The following DLGAP1 variants were observed in gnomAD, a reference collection of about 807,000 sequenced individuals.
DLGAP1 encodes disks large-associated protein 1.
DLGAP1 carries 11 observed loss-of-function variants against 90.8 expected under a neutral mutation model. That is an observed-to-expected ratio of 0.12 (90% CI 0.08 to 0.20). The LOEUF (loss-of-function observed/expected upper bound fraction) is 0.20, where lower values mean the gene tolerates loss of function less well. DLGAP1 is among the 10% of genes least tolerant of loss of function. The pLI is 1.00. For missense variants in DLGAP1, 1,050 were observed against 1,333.8 expected, an observed-to-expected ratio of 0.79 and a Z score of 3.31; for synonymous variants, 558 against 540.7, an observed-to-expected ratio of 1.03 and a Z score of -0.44.
chr18:3,634,241 T>G (rs1200102013), intron 7 of DLGAP1, among the ~76,000 whole-genome samples: 1 of 152,110 alleles, frequency 6.6e-6, no homozygotes, highest in Non-Finnish European at 1.5e-5. Context: ...ATTTGTATAC[T>G]TTTTTTGCAT....
intron 7 of DLGAP1, among the ~76,000 whole-genome samples, chr18:3,687,907 GTT>G (rs34437512): frequency 1.1e-4 from 14 of 133,202 alleles, no homozygotes; most frequent in African/African-American, 1.4e-4. Context: ...CTCAGAGACT[GTT>G]TTTTTTTTTT....
intron 3 of DLGAP1, among the ~76,000 whole-genome samples, chr18:3,956,434 C>G (rs919568313): frequency 5.3e-5 from 8 of 151,804 alleles, no homozygotes; most frequent in Non-Finnish European, 1.0e-4. Flanking sequence ...CTGCAAGCTC[C>G]GCCTCCCGGG....
intron 7 of DLGAP1, among the ~76,000 whole-genome samples, chr18:3,652,117 T>C (rs1301419559): frequency 7.3e-6 from 1 of 136,628 alleles, no homozygotes; most frequent in African/African-American, 2.8e-5. Context: ...TGAGCCGAGA[T>C]CACAACACTG....
At chr18:3,827,348 G>A (rs1473477638) in intron 4 of DLGAP1, among the ~76,000 whole-genome samples, 2 of 152,252 alleles carry the variant, frequency 1.3e-5, no homozygotes, top group Non-Finnish European at 2.9e-5. Context: ...GGCTTAAAAC[G>A]ATCAACAAAG....
At chr18:4,289,213 G>C (rs1278334437) in intron 1 of DLGAP1, among the ~76,000 whole-genome samples, 1 of 152,094 alleles carries the variant, frequency 6.6e-6, no homozygotes, top group Non-Finnish European at 1.5e-5. Context: ...ATGTGCCATT[G>C]TTCTTTCTTG....
rs529882959 is a variant in DLGAP1 at position 3,743,742 on chromosome 18, C to T, written c.1173-1230G>A. Among the ~76,000 whole-genome samples the T allele has an allele frequency of 2.5e-4, 38 of 152,224 alleles. No individual in the cohort carries two copies. In the Middle Eastern group the frequency reaches 0.01, roughly 41 times the overall value. On this transcript the variant is annotated intron_variant, in intron 5 of 12. Coordinates refer to ENST00000315677, the MANE Select transcript of DLGAP1 (RefSeq NM_004746.4). ...CTTGGCTCACTGCAGCCTCCGCCTC[C>T]TAGGTTCAAGCAATTCTCATGCCTC... is the stretch of plus-strand genomic sequence containing the variant.
chr18:3,855,693 AACCTCCAC>A (rs2148707593), intron 4 of DLGAP1, among the ~76,000 whole-genome samples: 1 of 152,212 alleles, frequency 6.6e-6, no homozygotes, highest in South Asian at 2.1e-4. Flanking sequence ...GGCTCACTGC[AACCTCCAC>A]CTCCCCGGTA....
At chr18:3,762,803 A>G (rs1018015415) in intron 5 of DLGAP1, among the ~76,000 whole-genome samples, 2 of 152,200 alleles carry the variant, frequency 1.3e-5, no homozygotes, top group Non-Finnish European at 2.9e-5. Flanking sequence ...TCTTATGTCA[A>G]CATTTCCAGG....
chr18:4,429,069 T>C (rs2083221540), intron 1 of DLGAP1, among the ~76,000 whole-genome samples: 1 of 152,112 alleles, frequency 6.6e-6, no homozygotes. Context: ...CTCAAAACAG[T>C]CCTAAGAGTT....
chr18:3,952,866 C>T (rs185273272), intron 3 of DLGAP1, among the ~76,000 whole-genome samples: 181 of 152,216 alleles, frequency 1.2e-3, no homozygotes, highest in African/African-American at 3.9e-3. Context: ...TCTCTTTCAC[C>T]CACCCAGGAC....
At chr18:3,675,825 G>C (rs146175440) in intron 7 of DLGAP1, among the ~76,000 whole-genome samples, 1 of 152,278 alleles carries the variant, frequency 6.6e-6, no homozygotes, top group Non-Finnish European at 1.5e-5. Flanking sequence ...GTTTTCCATG[G>C]TGTAAATACT....
At position 4,187,393 on chromosome 18, in the gene DLGAP1, A is replaced by G. The variant is rs555277380; in HGVS notation, c.-266-36106T>C. 6.6e-5 allele frequency among the ~76,000 whole-genome samples: 10 copies of G among 152,216 alleles called. No individual in the cohort carries two copies. The South Asian group carries it at 2.1e-3, about 32-fold the overall frequency. On this transcript the variant is annotated intron_variant, in intron 1 of 12. Transcript: ENST00000315677. The stretch of plus-strand genomic sequence containing the variant: ...CTCCTTTAAACGTTCCAAGATATTG[A>G]TCCCCCAAAATTTGTATTTAAAGTG...
At chr18:4,026,263 G>A (rs968312367) in intron 2 of DLGAP1, among the ~76,000 whole-genome samples, 7 of 152,156 alleles carry the variant, frequency 4.6e-5, no homozygotes, top group African/African-American at 1.2e-4. Context: ...GTCAGTGGGT[G>A]GATTTTTCAC....
chr18:3,924,098 A>G (rs1219541946), intron 3 of DLGAP1, among the ~76,000 whole-genome samples: 1 of 152,196 alleles, frequency 6.6e-6, no homozygotes, highest in Non-Finnish European at 1.5e-5. Context: ...TGTCACAGAA[A>G]TAACTATTTC....
chr18:3,648,633 A>T (rs2059198787), intron 7 of DLGAP1, among the ~76,000 whole-genome samples: 1 of 152,234 alleles, frequency 6.6e-6, no homozygotes. Flanking sequence ...GGCTTCAAAG[A>T]CTGCTAATTA....
intron 2 of DLGAP1, among the ~76,000 whole-genome samples, chr18:4,019,203 A>G (rs1041854972): frequency 3.3e-5 from 5 of 152,160 alleles, no homozygotes; most frequent in African/African-American, 9.7e-5. Context: ...TCTAATCACA[A>G]AGACATTTTC....
chr18:4,438,431 CAAAAAAA>C (rs11389361), intron 1 of DLGAP1, among the ~76,000 whole-genome samples: 1 of 52,108 alleles, frequency 1.9e-5, no homozygotes, highest in African/African-American at 8.5e-5. Context: ...GACTCCATCT[CAAAAAAA>C]AAAAAAAAAA....
At chr18:3,573,182 G>C (rs1329051438) in intron 8 of DLGAP1, among the ~76,000 whole-genome samples, 1 of 152,002 alleles carries the variant, frequency 6.6e-6, no homozygotes, top group Non-Finnish European at 1.5e-5. Context: ...TTAGGTATTA[G>C]AGTTATGCTT....
chr18:3,824,389 C>T (rs2067596935), intron 4 of DLGAP1, among the ~76,000 whole-genome samples: 1 of 152,144 alleles, frequency 6.6e-6, no homozygotes, highest in African/African-American at 2.4e-5. Flanking sequence ...CCTCTCAGCA[C>T]ATCTGTCTGT....
Sources: gnomAD v4.1 joint callset for allele counts (sites outside exome capture counted in the v4.1 genomes callset) on GRCh38, gnomAD v4.1.1 for gene constraint, MANE v1.5 for transcripts, NCBI Gene and HGNC (gene_info 2026-07-23, HGNC 2026-07-21) for gene names.